Variants in FAM177B observed in about 807,000 individuals in gnomAD.
FAM177B encodes family with sequence similarity 177 member B.
A neutral mutation model predicts 16.1 loss-of-function variants in FAM177B; 16 were observed. The ratio of observed to expected loss-of-function variants is 0.99; its 90% CI spans 0.67 to 1.51. The LOEUF (loss-of-function observed/expected upper bound fraction) is 1.51, where lower values mean the gene tolerates loss of function less well. Ranked by LOEUF, FAM177B falls within the 40% of genes most tolerant of loss-of-function variation. The probability of loss-of-function intolerance (pLI) is 0.00; values close to 1 mark genes in which losing one functional copy is unlikely to be tolerated. For missense variants in FAM177B, 178 were observed against 183.7 expected (o/e 0.97, Z 0.18); for synonymous variants, 56 against 59.9 (o/e 0.93, Z 0.30).
intron 2 of FAM177B, among the ~76,000 whole-genome samples, chr1:222,738,683 A>AG (rs1658395615): frequency 1.3e-5 from 2 of 152,150 alleles, no homozygotes; most frequent in African/African-American, 4.8e-5. Flanking sequence ...AAGAAAAAAA[A>AG]AATTAAACCA....
intron 2 of FAM177B, chr1:222,739,924 G>C (rs964152779): frequency 6.6e-6 from 1 of 152,182 alleles, no homozygotes; most frequent in South Asian, 2.1e-4. Flanking sequence ...TTGTGCAATA[G>C]TATTATGCTT....
Position 222,746,630 on chromosome 1 carries a change from G to A in FAM177B, c.85G>A (p.Val29Ile). 6.2e-7 allele frequency: 1 copy of A among 1,612,964 alleles called. No individual in the cohort carries two copies. Among genetic ancestry groups the A allele is most frequent in the Non-Finnish European group, 8.5e-7 (1 of 1,178,944 alleles). Residue 29 changes from valine (V) to isoleucine (I), a missense_variant, in exon 3 of 6, where the codon GTT (valine) becomes ATT (isoleucine). Coordinates refer to ENST00000445590, the MANE Select transcript of FAM177B (RefSeq NM_001394345.1). ...TACTCCTAAAAGGATTATCCATTTT[G>A]TTGACGGAGACATCATGGAAGAATA... ...KTTPKRIIHF[V>I]DGDIMEEYST...
chr1:222,749,484 A>T lies in FAM177B; in HGVS notation c.261A>T (p.Gly87=). 1 of 1,608,130 alleles carries T rather than the reference A, an allele frequency of 6.2e-7. No homozygotes were observed. Among genetic ancestry groups the T allele is most frequent in the Non-Finnish European group, 8.5e-7 (1 of 1,176,138 alleles). Residue 87 remains glycine, a synonymous_variant, in exon 5 of 6, where the codon GGA becomes GGT. Transcript: ENST00000445590. ...TSFSTCEFLG[G]RFAVFFGLTQ... ...TTTTAGCATGTGAATTCCTTGGTGG[A>T]AGATTTGCTGTCTTCTTTGGTCTTA...
chr1:222,738,700 AAAG>A (rs1282950136), intron 2 of FAM177B, among the ~76,000 whole-genome samples: 1 of 152,190 alleles, frequency 6.6e-6, no homozygotes, highest in Non-Finnish European at 1.5e-5. Flanking sequence ...ACCAAAGCCA[AAAG>A]AAGATCACTT....
At chr1:222,747,296 G>T in intron 4 of FAM177B, 1 of 504,770 alleles carries the variant, frequency 2.0e-6, no homozygotes. Context: ...TTCTTATCTC[G>T]GCCCAAATTT....
At chr1:222,748,266 A>G (rs1658890290) in intron 4 of FAM177B, among the ~76,000 whole-genome samples, 1 of 152,228 alleles carries the variant, frequency 6.6e-6, no homozygotes, top group Non-Finnish European at 1.5e-5. Flanking sequence ...CACTTCGGTT[A>G]AGGCAAAAGG....
intron 2 of FAM177B, among the ~76,000 whole-genome samples, chr1:222,740,274 C>T (rs1438933649): frequency 6.6e-6 from 1 of 152,140 alleles, no homozygotes; most frequent in Non-Finnish European, 1.5e-5. Context: ...TGTGTATATT[C>T]AATCATGTTT....
intron 5 of FAM177B, 137 bp from the exon 6 acceptor site, chr1:222,749,784 G>A: frequency 1.0e-6 from 1 of 956,110 alleles, no homozygotes; most frequent in South Asian, 1.4e-5. Flanking sequence ...GAGCTGTGTT[G>A]TAGAAGAAGG....
chr1:222,744,519 A>G (rs1166923118), intron 2 of FAM177B, among the ~76,000 whole-genome samples: 1 of 152,036 alleles, frequency 6.6e-6, no homozygotes, highest in Non-Finnish European at 1.5e-5. Context: ...GTATCCTTAC[A>G]ACATTGGAAT....
chr1:222,738,406 A>G (rs948240944), intron 2 of FAM177B, among the ~76,000 whole-genome samples: 5 of 152,044 alleles, frequency 3.3e-5, no homozygotes, highest in African/African-American at 1.2e-4. Context: ...TTAAGAAACA[A>G]AAGGTAGAGG....
chr1:222,746,508 G>T (rs555768490), intron 2 of FAM177B, 23 bp from the exon 3 acceptor site: 18 of 1,441,808 alleles, frequency 1.2e-5, no homozygotes, highest in Non-Finnish European at 1.7e-5. Context: ...TTGCCCTAAG[G>T]TGCCCTGTTT....
At chr1:222,746,834 CT>C in intron 3 of FAM177B, 115 bp downstream of exon 3, 1 of 1,043,934 alleles carries the variant, frequency 9.6e-7, no homozygotes, top group Non-Finnish European at 1.4e-6. Context: ...CCTTGGTCTC[CT>C]TTTTTGCTTT....
intron 1 of FAM177B, among the ~76,000 whole-genome samples, chr1:222,737,615 G>A (rs928409482): frequency 2.0e-5 from 3 of 152,174 alleles, no homozygotes; most frequent in Admixed American, 6.5e-5. Context: ...CAGAAAGCTC[G>A]TAGGGGTTAG....
Position 222,749,995 on chromosome 1 carries a change from G to T in FAM177B, c.414G>T (p.Leu138Phe). The T allele has an allele frequency of 6.2e-7, 1 of 1,614,048 alleles. No homozygotes were observed. Among genetic ancestry groups the T allele is most frequent in the South Asian group, 1.1e-5 (1 of 91,078 alleles). The change falls in exon 6 of 6, where the codon TTG (leucine) becomes TTT (phenylalanine). Residue 138 changes from leucine to phenylalanine, a missense_variant. By Grantham distance (22) the Leu-to-Phe change is conservative (BLOSUM62 0). Coordinates refer to ENST00000445590, the MANE Select transcript of FAM177B (RefSeq NM_001394345.1). ...AAEVPNEKCH[L>F]EAGVQEYGTI... Reference sequence around the variant, plus strand: ...AGGTTCCTAATGAAAAGTGTCACTTGGAGGCTGGGGTCCAAGAGTATGGAA... The same window carrying T: ...AGGTTCCTAATGAAAAGTGTCACTTTGAGGCTGGGGTCCAAGAGTATGGAA...
At chr1:222,748,222 GA>G (rs371131361) in intron 4 of FAM177B, among the ~76,000 whole-genome samples, 5 of 150,698 alleles carry the variant, frequency 3.3e-5, no homozygotes, top group Non-Finnish European at 7.4e-5. Context: ...TAAGTTAACA[GA>G]AAAAAAAATG....
intron 4 of FAM177B, among the ~76,000 whole-genome samples, chr1:222,748,191 C>T (rs1658885730): frequency 6.6e-6 from 1 of 152,060 alleles, no homozygotes; most frequent in African/African-American, 2.4e-5. Context: ...CCCGTGAATA[C>T]CAACCCTACC....
At chr1:222,744,222 G>A (rs982196023) in intron 2 of FAM177B, among the ~76,000 whole-genome samples, 7 of 152,164 alleles carry the variant, frequency 4.6e-5, no homozygotes, top group Non-Finnish European at 8.8e-5. Flanking sequence ...TGTAATCCCA[G>A]CACTTTGGGA....
In FAM177B at chr1:222,746,743, G is replaced by A. The variant is rs372627601; in HGVS notation, c.174+24G>A. On this transcript the variant is annotated intron_variant, in intron 3 of 5. Coordinates refer to ENST00000445590, the MANE Select transcript of FAM177B (RefSeq NM_001394345.1). ...CTGTAAGCTTAGTATATCAATATTA[G>A]GGAACATGGTGGGGGAGGCGGTGAA... The A allele has an allele frequency of 1.1e-3, 1,707 of 1,570,054 alleles. 4 individuals are homozygous for A. The highest frequency in any genetic ancestry group is 1.3e-3 in the Non-Finnish European group (1,507 of 1,150,034).
intron 2 of FAM177B, among the ~76,000 whole-genome samples, chr1:222,739,181 T>C (rs1658416703): frequency 6.6e-6 from 1 of 152,220 alleles, no homozygotes; most frequent in South Asian, 2.1e-4. Context: ...GTAAATTGAC[T>C]ATAATGAGAC....
Sources: gnomAD v4.1 joint callset for allele counts (sites outside exome capture counted in the v4.1 genomes callset) on GRCh38, gnomAD v4.1.1 for gene constraint, MANE v1.5 for transcripts, NCBI Gene and HGNC (gene_info 2026-07-23, HGNC 2026-07-21) for gene names.